PLXDC2: variants seen among roughly 807,000 people sequenced by gnomAD.
PLXDC2 encodes the protein plexin domain containing 2.
In PLXDC2, 40 loss-of-function variants were observed where a neutral mutation model predicts 68.9. That is an observed-to-expected ratio of 0.58 (90% confidence interval 0.45 to 0.76). The LOEUF (loss-of-function observed/expected upper bound fraction) is 0.76. Ranked by LOEUF, PLXDC2 falls within the 30% of genes least tolerant of loss-of-function variation. PLXDC2 has a pLI of 0.00. For missense variants in PLXDC2, 644 were observed against 661.9 expected, an observed-to-expected ratio of 0.97 and a Z score of 0.30; for synonymous variants, 243 against 234.2, an observed-to-expected ratio of 1.04 and a Z score of -0.34.
intron 1 of PLXDC2, among the ~76,000 whole-genome samples, chr10:19,953,745 A>C (rs1345411146): frequency 6.6e-6 from 1 of 152,198 alleles, no homozygotes. Flanking sequence ...TATGATCATC[A>C]TACTCAAAGT....
At chr10:20,113,345 C>CT (rs1353241109) in intron 4 of PLXDC2, among the ~76,000 whole-genome samples, 1 of 152,180 alleles carries the variant, frequency 6.6e-6, no homozygotes, top group African/African-American at 2.4e-5. Context: ...CCAAATTTAG[C>CT]TTTTTTCTTC....
chr10:20,048,653 T>C (rs1835838554), intron 3 of PLXDC2, among the ~76,000 whole-genome samples: 2 of 152,150 alleles, frequency 1.3e-5, no homozygotes, highest in African/African-American at 4.8e-5. Flanking sequence ...TCAGCCACTA[T>C]GGGTGACATC....
At chr10:20,094,325 A>T (rs1168314771) in intron 4 of PLXDC2, among the ~76,000 whole-genome samples, 1 of 152,130 alleles carries the variant, frequency 6.6e-6, no homozygotes, top group Non-Finnish European at 1.5e-5. Flanking sequence ...TATTGCTTTA[A>T]CTCTGGCATA....
chr10:19,980,378 T>G (rs1834532958), intron 1 of PLXDC2, among the ~76,000 whole-genome samples: 1 of 152,354 alleles, frequency 6.6e-6, no homozygotes, highest in South Asian at 2.1e-4. Context: ...TGATGTCTTG[T>G]GTCAGCCTGT....
chr10:19,895,572 C>T (rs538882678), intron 1 of PLXDC2, among the ~76,000 whole-genome samples: 3 of 152,190 alleles, frequency 2.0e-5, no homozygotes, highest in African/African-American at 7.2e-5. Flanking sequence ...CATTTGAAAT[C>T]ACTGAAATCT....
At chr10:19,956,047 C>T (rs898959872) in intron 1 of PLXDC2, among the ~76,000 whole-genome samples, 1 of 152,108 alleles carries the variant, frequency 6.6e-6, no homozygotes, top group Non-Finnish European at 1.5e-5. Context: ...GCATTGCACT[C>T]CAGCTTGGGT....
intron 1 of PLXDC2, among the ~76,000 whole-genome samples, chr10:19,867,577 A>G (rs1028357638): frequency 1.3e-5 from 2 of 152,106 alleles, no homozygotes; most frequent in African/African-American, 4.8e-5. Flanking sequence ...CTGACTCCTC[A>G]AGGCTAACTA....
chr10:20,024,976 C>T (rs1364945793), intron 2 of PLXDC2, among the ~76,000 whole-genome samples: 1 of 152,234 alleles, frequency 6.6e-6, no homozygotes, highest in South Asian at 2.1e-4. Context: ...CATCGATGGG[C>T]ACCTAAGTTG....
chr10:19,989,713 T>A (rs1390638467), intron 1 of PLXDC2, among the ~76,000 whole-genome samples: 1 of 151,466 alleles, frequency 6.6e-6, no homozygotes, highest in Admixed American at 6.6e-5. Context: ...TTTAATTTAA[T>A]AATTTTATAG....
intron 4 of PLXDC2, chr10:20,071,123 A>C (rs1461669747): frequency 6.6e-6 from 1 of 152,158 alleles, no homozygotes. Context: ...AGGCAGAGTC[A>C]AGATAATCTA....
chr10:20,260,384 C>T (rs182303945), intron 13 of PLXDC2, among the ~76,000 whole-genome samples: 1 of 152,276 alleles, frequency 6.6e-6, no homozygotes, highest in East Asian at 1.9e-4. Flanking sequence ...CCCCTGGTAA[C>T]CACTCTCTGG....
chr10:20,178,699 T>C (rs1051307853), intron 9 of PLXDC2, among the ~76,000 whole-genome samples: 2 of 152,158 alleles, frequency 1.3e-5, no homozygotes, highest in Non-Finnish European at 2.9e-5. Flanking sequence ...AAAATGCCGA[T>C]ATTTTGATCA....
At chr10:20,100,143 T>G (rs1264564101) in intron 4 of PLXDC2, among the ~76,000 whole-genome samples, 1 of 152,162 alleles carries the variant, frequency 6.6e-6, no homozygotes, top group African/African-American at 2.4e-5. Flanking sequence ...AGAATCTTAG[T>G]CTAGCAAATG....
Position 19,816,966 on chromosome 10 carries a change from C to T in PLXDC2, c.-114C>T. On this transcript the variant is annotated 5_prime_UTR_variant, in exon 1 of 14. Coordinates refer to ENST00000377252, the MANE Select transcript of PLXDC2 (RefSeq NM_032812.9). ...TCGCAGCGACATTTACAAAGGCCTC[C>T]GGGTCCTACCGAGACCGATCCGCAG... 1.4e-6 allele frequency: 1 copy of T among 711,056 alleles called. No homozygotes were observed. The highest frequency in any genetic ancestry group is 1.8e-5 in the South Asian group (1 of 56,236). 44.0% of individuals were successfully genotyped at this position (711,056 alleles called of 1,614,324 possible).
Position 20,165,166 on chromosome 10 carries a change from A to G in PLXDC2, c.883+599A>G, listed in dbSNP as rs74539886. Among the ~76,000 whole-genome samples the G allele has an allele frequency of 3.0e-3, 456 of 152,278 alleles. 11 individuals carry two copies. The East Asian group carries it at 0.041, about 14-fold the overall frequency. On this transcript the variant is annotated intron_variant, in intron 7 of 13. Transcript: ENST00000377252. ...GGCAGATACAGTTCTTTTATTAATG[A>G]GAATGACATAAAACAGTGACAGATT...
intron 12 of PLXDC2, among the ~76,000 whole-genome samples, chr10:20,234,062 A>C (rs145003223): frequency 0.019 from 2,881 of 151,868 alleles, 41 homozygotes; most frequent in Middle Eastern, 0.037. Context: ...CCTGGCCTCA[A>C]CTGATCCTCT....
intron 3 of PLXDC2, among the ~76,000 whole-genome samples, chr10:20,048,330 G>A (rs943534056): frequency 2.6e-5 from 4 of 151,794 alleles, no homozygotes; most frequent in African/African-American, 7.3e-5. Flanking sequence ...CGTCTGAGAA[G>A]CAAATGAAGT....
At chr10:19,854,559 C>A (rs760538072) in intron 1 of PLXDC2, among the ~76,000 whole-genome samples, 1 of 152,286 alleles carries the variant, frequency 6.6e-6, no homozygotes, top group Non-Finnish European at 1.5e-5. Context: ...CCCAAAATAT[C>A]TTGGTTGAGA....
At chr10:20,033,876 T>G (rs1281398005) in intron 2 of PLXDC2, among the ~76,000 whole-genome samples, 1 of 152,230 alleles carries the variant, frequency 6.6e-6, no homozygotes, top group Non-Finnish European at 1.5e-5. Context: ...TCTTTATTAC[T>G]GTTCTTTTTC....
Sources: gnomAD v4.1 joint callset for allele counts (sites outside exome capture counted in the v4.1 genomes callset) on GRCh38, gnomAD v4.1.1 for gene constraint, MANE v1.5 for transcripts, NCBI Gene and HGNC (gene_info 2026-07-23, HGNC 2026-07-21) for gene names.